FAM171B: variants seen among roughly 807,000 people sequenced by gnomAD.
FAM171B encodes protein FAM171B.
Under a neutral mutation model 75.6 loss-of-function variants are expected in FAM171B, and 19 were observed. The ratio of observed to expected loss-of-function variants is 0.25; its 90% CI spans 0.18 to 0.37. FAM171B has a LOEUF of 0.37. Ranked by LOEUF, FAM171B falls within the 10% of genes least tolerant of loss-of-function variation. FAM171B has a pLI of 1.00. For missense variants in FAM171B, 848 were observed against 982.4 expected, an observed-to-expected ratio of 0.86 and a Z score of 1.83; for synonymous variants, 367 against 361.7, an observed-to-expected ratio of 1.01 and a Z score of -0.17.
intron 1 of FAM171B, among the ~76,000 whole-genome samples, chr2:186,733,104 A>T (rs571958907): frequency 3.7e-4 from 57 of 152,286 alleles, no homozygotes; most frequent in African/African-American, 1.4e-3. Context: ...CAGTGCGTGT[A>T]TTTGAAGGCT....
intron 1 of FAM171B, among the ~76,000 whole-genome samples, chr2:186,719,520 C>A (rs1193782351): frequency 1.3e-5 from 2 of 152,122 alleles, no homozygotes; most frequent in African/African-American, 4.8e-5. Context: ...TTATAAGAAG[C>A]TCTCTTAATC....
intron 1 of FAM171B, among the ~76,000 whole-genome samples, chr2:186,701,394 A>G (rs1689659226): frequency 6.6e-6 from 1 of 152,172 alleles, no homozygotes; most frequent in Non-Finnish European, 1.5e-5. Context: ...AATTTCCAGT[A>G]TACAGTACAA....
chr2:186,700,233 G>A (rs1416106685), intron 1 of FAM171B, among the ~76,000 whole-genome samples: 1 of 150,466 alleles, frequency 6.6e-6, no homozygotes, highest in South Asian at 2.1e-4. Flanking sequence ...TATGGACTGA[G>A]TTTTGTTTTT....
rs772260065 is a variant in FAM171B, at chr2:186,762,047, G to A, written c.1705G>A (p.Val569Ile). Reference protein sequence around the residue: ...SATLPRKGQLVYGQLMEPVNR... With the variant: ...SATLPRKGQLIYGQLMEPVNR... ...TACTTTGCCAAGAAAGGGACAGTTAGTCTATGGCCAATTGATGGAACCAGT... is the reference window on the plus strand; with the variant it reads ...TACTTTGCCAAGAAAGGGACAGTTAATCTATGGCCAATTGATGGAACCAGT... Residue 569 changes from valine to isoleucine, a missense_variant, in exon 8 of 8, where the codon GTC (valine) becomes ATC (isoleucine). Physicochemically the swap from Val to Ile is conservative, Grantham distance 29. Transcript: ENST00000304698. This position sits in a 1 kb window ranked among gnomAD's most constrained non-coding sequence, Gnocchi z 4.0. 4 of 1,613,576 alleles carry A rather than the reference G, an allele frequency of 2.5e-6. No individual in the cohort carries two copies. In the East Asian group the frequency reaches 6.7e-5, roughly 27 times the overall value.
At chr2:186,701,798 G>A (rs1689663886) in intron 1 of FAM171B, among the ~76,000 whole-genome samples, 2 of 152,276 alleles carry the variant, frequency 1.3e-5, no homozygotes, top group South Asian at 2.1e-4. Flanking sequence ...CTTAATGTGA[G>A]TAAGTAGAAA....
intron 1 of FAM171B, among the ~76,000 whole-genome samples, chr2:186,734,018 A>T (rs928061681): frequency 6.6e-6 from 1 of 152,156 alleles, no homozygotes; most frequent in Non-Finnish European, 1.5e-5. Context: ...CAGTCCCACC[A>T]TTCAATGGGG....
chr2:186,702,641 ATGAG>A (rs1430719164), intron 1 of FAM171B, among the ~76,000 whole-genome samples: 2 of 152,172 alleles, frequency 1.3e-5, no homozygotes, highest in African/African-American at 4.8e-5. Context: ...TGGGCCTAAA[ATGAG>A]TGAGTGATTC....
chr2:186,746,026 CT>C (rs1690360394), intron 3 of FAM171B, among the ~76,000 whole-genome samples: 1 of 152,152 alleles, frequency 6.6e-6, no homozygotes, highest in Non-Finnish European at 1.5e-5. Context: ...TCTTTAAAAA[CT>C]GATGTCTTTT....
At chr2:186,714,715 C>T (rs932729665) in intron 1 of FAM171B, among the ~76,000 whole-genome samples, 33 of 152,192 alleles carry the variant, frequency 2.2e-4, no homozygotes, top group African/African-American at 7.2e-4. Context: ...CTGTGCTTTC[C>T]GAGCCTAGCT....
At position 186,761,796 on chromosome 2, in the gene FAM171B, T is replaced by C; in HGVS notation, c.1454T>C (p.Leu485Ser). 2 of 1,613,258 alleles carry C rather than the reference T, an allele frequency of 1.2e-6. No individual in the cohort carries two copies. Among genetic ancestry groups the C allele is most frequent in the South Asian group, 2.2e-5 (2 of 91,076 alleles). Reference protein sequence around the residue: ...NNYSRNPTQSLEPNVGSKQPK... With the variant: ...NNYSRNPTQSSEPNVGSKQPK... ...TACTCAAGAAACCCAACACAGTCTT[T>C]GGAGCCCAATGTAGGGTCCAAACAA... The change falls in exon 8 of 8, where the codon TTG becomes TCG. Residue 485 changes from leucine to serine, a missense_variant. Coordinates refer to ENST00000304698, the MANE Select transcript of FAM171B (RefSeq NM_177454.4).
At position 186,761,251 on chromosome 2, in the gene FAM171B, A is replaced by G. The variant is rs1690610784; in HGVS notation, c.1136+15A>G. On this transcript the variant is annotated intron_variant, in intron 7 of 7. Transcript: ENST00000304698. The stretch of plus-strand genomic sequence containing the variant: ...TGTTATTGCAGGTAAGAAAATGGCT[A>G]TAAACACAGAAAACTATCAAGTTAT... 6.2e-7 allele frequency: 1 copy of G among 1,610,480 alleles called. No individual in the cohort carries two copies. The highest frequency in any genetic ancestry group is 1.3e-5 in the African/African-American group (1 of 74,784).
chr2:186,757,927 C>T (rs532118463), intron 6 of FAM171B, among the ~76,000 whole-genome samples: 10 of 152,260 alleles, frequency 6.6e-5, no homozygotes, highest in Admixed American at 5.9e-4. Context: ...CAAACCAATC[C>T]TCCATACAGA....
At chr2:186,741,501 C>A (rs1690287539) in intron 2 of FAM171B, among the ~76,000 whole-genome samples, 1 of 151,946 alleles carries the variant, frequency 6.6e-6, no homozygotes, top group South Asian at 2.1e-4. Context: ...AAGACCCTAA[C>A]TAAATAAGGT....
chr2:186,765,722 A>T lies in FAM171B; in HGVS notation c.*2899A>T, dbSNP rs1690689736. On this transcript the variant is annotated 3_prime_UTR_variant, in exon 8 of 8. Transcript: ENST00000304698. ...AGGCGCATGAGTTTCTCATTTTCCC[A>T]TGTACGAGCATTGTAAAGGAATTCA... is the stretch of plus-strand genomic sequence containing the variant. 6.6e-6 allele frequency: 1 copy of T among 152,062 alleles called. No homozygotes were observed. The highest frequency in any genetic ancestry group is 1.5e-5 in the Non-Finnish European group (1 of 67,962). 9.4% of individuals were successfully genotyped at this position (152,062 alleles called of 1,614,324 possible).
At chr2:186,700,778 C>T (rs1458784638) in intron 1 of FAM171B, among the ~76,000 whole-genome samples, 2 of 152,158 alleles carry the variant, frequency 1.3e-5, no homozygotes, top group African/African-American at 2.4e-5. Context: ...AACTGATACA[C>T]TTTTGCGGTG....
At chr2:186,713,356 T>G (rs1230680820) in intron 1 of FAM171B, among the ~76,000 whole-genome samples, 1 of 152,224 alleles carries the variant, frequency 6.6e-6, no homozygotes, top group African/African-American at 2.4e-5. Flanking sequence ...TGGGGGGTGA[T>G]CTTGGGGAAA....
chr2:186,715,130 G>A lies in FAM171B; in HGVS notation c.238+20719G>A, dbSNP rs995346796. 3.0e-4 allele frequency among the ~76,000 whole-genome samples: 45 copies of A among 152,190 alleles called. 1 individual carries two copies. Among genetic ancestry groups the A allele is most frequent in the African/African-American group, 1.0e-3 (43 of 41,430 alleles). ...CTCACATTCAGTACAACAAGGGCAG[G>A]TAAACATTTACTACGCCCAGAATCT... is the stretch of plus-strand genomic sequence containing the variant. On this transcript the variant is annotated intron_variant, in intron 1 of 7. Coordinates refer to ENST00000304698, the MANE Select transcript of FAM171B (RefSeq NM_177454.4).
At position 186,763,385 on chromosome 2, in the gene FAM171B, A is replaced by G. The variant is rs1356034601; in HGVS notation, c.*562A>G. 1.3e-5 allele frequency: 2 copies of G among 152,152 alleles called. No homozygotes were observed. The highest frequency in any genetic ancestry group is 2.9e-5 in the Non-Finnish European group (2 of 68,040). 9.4% of individuals were successfully genotyped at this position (152,152 alleles called of 1,614,324 possible). On this transcript the variant is annotated 3_prime_UTR_variant, in exon 8 of 8. Transcript: ENST00000304698. ...GTGTATTGTATCATCCCAAACGTAA[A>G]TCCTACATTTATATAAGATGGGCAA...
chr2:186,736,024 A>C (rs74826025), intron 1 of FAM171B, among the ~76,000 whole-genome samples: 6,383 of 152,284 alleles, frequency 0.042, 300 homozygotes, highest in African/African-American at 0.1. Context: ...AACTTTACTT[A>C]TCTCTGTATC....
Sources: gnomAD v4.1 joint callset for allele counts (sites outside exome capture counted in the v4.1 genomes callset) on GRCh38, gnomAD v4.1.1 for gene constraint, Gnocchi (gnomAD v3.1) non-coding constraint, MANE v1.5 for transcripts, NCBI Gene and HGNC (gene_info 2026-07-23, HGNC 2026-07-21) for gene names.